Variants in CNTNAP2 observed in about 807,000 individuals in gnomAD.
CNTNAP2 encodes the protein contactin-associated protein-like 2.
A neutral mutation model predicts 155.2 loss-of-function variants in CNTNAP2; 98 were observed. That is an observed-to-expected ratio of 0.63 (90% CI 0.54 to 0.75). The LOEUF (loss-of-function observed/expected upper bound fraction) is 0.75, where lower values mean the gene tolerates loss of function less well. Ranked by LOEUF, CNTNAP2 falls within the 30% of genes least tolerant of loss-of-function variation. CNTNAP2 has a pLI of 0.00. For missense variants in CNTNAP2, 1,727 were observed against 1,688.1 expected (o/e 1.02, Z -0.40); for synonymous variants, 651 against 631.2 (o/e 1.03, Z -0.47).
chr7:147,880,650 G>C (rs1254313331), intron 13 of CNTNAP2, among the ~76,000 whole-genome samples: 1 of 151,956 alleles, frequency 6.6e-6, no homozygotes, highest in Non-Finnish European at 1.5e-5. Context: ...AACCAGAGAA[G>C]TAGGAGAAAT....
chr7:148,304,168 G>C (rs1245821605), intron 21 of CNTNAP2, among the ~76,000 whole-genome samples: 3 of 152,118 alleles, frequency 2.0e-5, no homozygotes, highest in Non-Finnish European at 4.4e-5. Context: ...AACTTGATAG[G>C]TTCAAAACAG....
rs560942037 is a variant in CNTNAP2 at position 147,505,123 on chromosome 7, G to A, written c.1777+19082G>A. ...ATTCAAATGCTGCAAAGCTCACTCC[G>A]GGCCCCTGGCTCAGAAACAGTTCTC... On this transcript the variant is annotated intron_variant, in intron 11 of 23. Transcript: ENST00000361727. Among the ~76,000 whole-genome samples the A allele has an allele frequency of 3.9e-5, 6 of 152,014 alleles. No homozygotes were observed. The South Asian group carries it at 1.0e-3, about 26-fold the overall frequency.
intron 8 of CNTNAP2, among the ~76,000 whole-genome samples, chr7:147,219,891 T>C (rs912089024): frequency 1.8e-4 from 27 of 151,088 alleles, no homozygotes; most frequent in Non-Finnish European, 3.5e-4. Context: ...TGCTTCTGCC[T>C]CAGCCTCCCA....
intron 3 of CNTNAP2, among the ~76,000 whole-genome samples, chr7:146,906,360 A>C (rs903651192): frequency 6.6e-6 from 1 of 152,156 alleles, no homozygotes; most frequent in African/African-American, 2.4e-5. Flanking sequence ...GGCACAGACA[A>C]ACAAAAAGAC....
At chr7:147,214,245 A>G (rs1803219392) in intron 8 of CNTNAP2, among the ~76,000 whole-genome samples, 1 of 152,108 alleles carries the variant, frequency 6.6e-6, no homozygotes. Flanking sequence ...TTTTTCTTTT[A>G]TAACTAGGAA....
intron 1 of CNTNAP2, among the ~76,000 whole-genome samples, chr7:146,309,794 C>G (rs774063902): frequency 8.9e-5 from 13 of 145,466 alleles, no homozygotes; most frequent in Non-Finnish European, 1.9e-4. Flanking sequence ...CAGTGAGACT[C>G]TGTCAAAGAA....
chr7:146,478,854 G>T (rs534284528), intron 1 of CNTNAP2, among the ~76,000 whole-genome samples: 1 of 152,204 alleles, frequency 6.6e-6, no homozygotes, highest in East Asian at 1.9e-4. Context: ...GTTTAATGTT[G>T]TCTTTCCAGT....
chr7:147,229,528 A>G (rs1274739209), intron 8 of CNTNAP2, among the ~76,000 whole-genome samples: 1 of 152,214 alleles, frequency 6.6e-6, no homozygotes, highest in Non-Finnish European at 1.5e-5. Flanking sequence ...GTTGGTATCT[A>G]CAAGTATTAA....
At chr7:147,764,710 A>G (rs1797358322) in intron 13 of CNTNAP2, among the ~76,000 whole-genome samples, 1 of 152,234 alleles carries the variant, frequency 6.6e-6, no homozygotes, top group Non-Finnish European at 1.5e-5. Flanking sequence ...AATTCTGGAA[A>G]CAAAAGCTGC....
intron 1 of CNTNAP2, among the ~76,000 whole-genome samples, chr7:146,668,830 T>C (rs989344023): frequency 1.3e-5 from 2 of 152,104 alleles, no homozygotes; most frequent in East Asian, 3.9e-4. Context: ...CTTTGTATTA[T>C]GTGGTATTTG....
intron 12 of CNTNAP2, among the ~76,000 whole-genome samples, chr7:147,616,181 A>T (rs1175470800): frequency 6.6e-6 from 1 of 152,124 alleles, no homozygotes; most frequent in Non-Finnish European, 1.5e-5. Context: ...TTTTTAATGT[A>T]TTTCCACTTC....
chr7:148,300,403 T>C (rs1291491364), intron 21 of CNTNAP2, among the ~76,000 whole-genome samples: 1 of 152,190 alleles, frequency 6.6e-6, no homozygotes, highest in African/African-American at 2.4e-5. Context: ...TAAATGTTGA[T>C]TGCATTTGGA....
intron 8 of CNTNAP2, among the ~76,000 whole-genome samples, chr7:147,174,612 G>C (rs1262758020): frequency 6.6e-6 from 1 of 152,110 alleles, no homozygotes; most frequent in Non-Finnish European, 1.5e-5. Flanking sequence ...ATATGCTTAT[G>C]GTGATATTAC....
At chr7:147,521,299 C>T (rs144852326) in intron 11 of CNTNAP2, among the ~76,000 whole-genome samples, 94 of 152,190 alleles carry the variant, frequency 6.2e-4, no homozygotes, top group African/African-American at 2.1e-3. Flanking sequence ...TTGTAATTAT[C>T]GGGAACCAAA....
chr7:147,230,610 C>A (rs1042108820), intron 8 of CNTNAP2, among the ~76,000 whole-genome samples: 5 of 152,120 alleles, frequency 3.3e-5, no homozygotes, highest in Admixed American at 2.0e-4. Context: ...ATTTGATATA[C>A]ATATATAATT....
chr7:147,896,269 T>C (rs1799775372), intron 13 of CNTNAP2, among the ~76,000 whole-genome samples: 1 of 152,132 alleles, frequency 6.6e-6, no homozygotes, highest in Non-Finnish European at 1.5e-5. Context: ...GTCTGCCATA[T>C]GAGATTAGCA....
chr7:147,283,480 C>A (rs1805098015), intron 8 of CNTNAP2, among the ~76,000 whole-genome samples: 1 of 151,614 alleles, frequency 6.6e-6, no homozygotes, highest in Admixed American at 6.6e-5. Flanking sequence ...AAGTAGCTAC[C>A]AAAAACAATA....
At chr7:147,038,027 C>T (rs1307849403) in intron 3 of CNTNAP2, among the ~76,000 whole-genome samples, 1 of 152,172 alleles carries the variant, frequency 6.6e-6, no homozygotes, top group Non-Finnish European at 1.5e-5. Flanking sequence ...TATTGGCACA[C>T]ACCTATAGTC....
intron 15 of CNTNAP2, among the ~76,000 whole-genome samples, chr7:148,062,028 A>AGAGAGAGAGAGAGT (rs1388530831): frequency 3.8e-5 from 4 of 105,980 alleles, no homozygotes; most frequent in Non-Finnish European, 6.0e-5. Context: ...AGAGAGAGAG[A>AGAGAGAGAGAGAGT]GTGTGTGTGT....
Sources: gnomAD v4.1 joint callset for allele counts (sites outside exome capture counted in the v4.1 genomes callset) on GRCh38, gnomAD v4.1.1 for gene constraint, MANE v1.5 for transcripts, NCBI Gene and HGNC (gene_info 2026-07-23, HGNC 2026-07-21) for gene names.